The following GRID2 variants were observed in gnomAD, a reference collection of about 807,000 sequenced individuals.
The protein encoded by GRID2 is glutamate ionotropic receptor delta type subunit 2.
In GRID2, 33 loss-of-function variants were observed where a neutral mutation model predicts 114.8. The observed-to-expected ratio is 0.29, with a 90% CI of 0.22 to 0.38. GRID2 has a LOEUF of 0.38. Among genes scored for constraint, GRID2 ranks in the 10% least tolerant of loss-of-function variants. The probability of loss-of-function intolerance (pLI) is 1.00; values close to 1 mark genes in which losing one functional copy is unlikely to be tolerated. For missense variants in GRID2, 1,184 were observed against 1,257.7 expected, an observed-to-expected ratio of 0.94 and a Z score of 0.89; for synonymous variants, 505 against 449.9, an observed-to-expected ratio of 1.12 and a Z score of -1.55.
chr4:93,651,537 A>C (rs1722581289), intron 14 of GRID2, among the ~76,000 whole-genome samples: 1 of 152,126 alleles, frequency 6.6e-6, no homozygotes, highest in Non-Finnish European at 1.5e-5. Context: ...CAGAGCATTT[A>C]ATGGGGATCT....
chr4:92,984,027 T>C (rs1313282960), intron 2 of GRID2, among the ~76,000 whole-genome samples: 1 of 152,218 alleles, frequency 6.6e-6, no homozygotes, highest in African/African-American at 2.4e-5. Flanking sequence ...TCAGTGTTTT[T>C]GATTGATAAA....
chr4:93,222,631 A>G (rs760706929), intron 6 of GRID2, among the ~76,000 whole-genome samples: 28 of 151,568 alleles, frequency 1.8e-4, no homozygotes, highest in Non-Finnish European at 3.8e-4. Flanking sequence ...CAACCCCACA[A>G]CAGGCCCCGG....
chr4:93,697,524 ATT>A (rs985974974), intron 14 of GRID2, among the ~76,000 whole-genome samples: 1 of 152,060 alleles, frequency 6.6e-6, no homozygotes, highest in African/African-American at 2.4e-5. Context: ...GCCAAGGTGG[ATT>A]TGTTCCATGC....
chr4:93,147,082 TTGATGAATTTTTTA>T (rs1170120209), intron 4 of GRID2, among the ~76,000 whole-genome samples: 48 of 152,290 alleles, frequency 3.2e-4, no homozygotes, highest in African/African-American at 1.1e-3. Flanking sequence ...GTAATGAAAT[TTGATGAATTTTTTA>T]ACGTACTTAT....
At position 92,713,474 on chromosome 4, in the gene GRID2, T is replaced by TAC. The variant is rs1333666808; in HGVS notation, c.244+123190_244+123191dup. On this transcript the variant is annotated intron_variant, in intron 2 of 15. Transcript: ENST00000282020. ...GTTTACATATATTTACATATACATA[T>TAC]ACATATATATATATATATATATATA... 1.2e-3 allele frequency among the ~76,000 whole-genome samples: 77 copies of TAC among 64,616 alleles called. No individual in the cohort carries two copies. The East Asian group carries it at 0.026, about 22-fold the overall frequency. The allele number at this position is 64,616 out of a possible 152,430, so 42.4% of individuals were successfully genotyped here.
At chr4:92,328,720 A>G (rs942637408) in intron 1 of GRID2, among the ~76,000 whole-genome samples, 3 of 152,084 alleles carry the variant, frequency 2.0e-5, no homozygotes, top group Admixed American at 2.0e-4. Flanking sequence ...TAAAAACAAC[A>G]TTATTTTGTT....
downstream of GRID2, among the ~76,000 whole-genome samples, chr4:93,775,536 C>A (rs577085213): frequency 1.3e-5 from 2 of 152,316 alleles, no homozygotes; most frequent in South Asian, 4.1e-4. Flanking sequence ...AGGGCCATAG[C>A]TAGCAGCAAA....
At chr4:92,347,535 G>A (rs189698878) in intron 1 of GRID2, among the ~76,000 whole-genome samples, 24 of 152,238 alleles carry the variant, frequency 1.6e-4, no homozygotes, top group African/African-American at 5.3e-4. Context: ...CTTAGAATAG[G>A]TTGACAGAAC....
chr4:93,451,535 G>C (rs1420230631), intron 10 of GRID2, among the ~76,000 whole-genome samples: 1 of 152,034 alleles, frequency 6.6e-6, no homozygotes, highest in Non-Finnish European at 1.5e-5. Flanking sequence ...AAGGTGTGTA[G>C]ACCATGTTTT....
chr4:92,374,194 G>A (rs1729247903), intron 1 of GRID2, among the ~76,000 whole-genome samples: 1 of 152,096 alleles, frequency 6.6e-6, no homozygotes, highest in Admixed American at 6.6e-5. Flanking sequence ...CAGACTTTAA[G>A]TCTGATAAGA....
chr4:92,581,631 A>G (rs920689669), intron 1 of GRID2, among the ~76,000 whole-genome samples: 1 of 152,114 alleles, frequency 6.6e-6, no homozygotes, highest in African/African-American at 2.4e-5. Flanking sequence ...GACTTATTTC[A>G]CACTATGAGC....
intron 2 of GRID2, among the ~76,000 whole-genome samples, chr4:92,817,422 A>T (rs1052016970): frequency 2.0e-5 from 3 of 152,224 alleles, no homozygotes; most frequent in Non-Finnish European, 4.4e-5. Context: ...ATCCTAGATG[A>T]CATTACTTTA....
chr4:93,364,566 G>C (rs1179451192), intron 8 of GRID2, among the ~76,000 whole-genome samples: 2 of 151,970 alleles, frequency 1.3e-5, no homozygotes, highest in East Asian at 3.9e-4. Flanking sequence ...TCAACTCCTG[G>C]GCTCAAGCAA....
intron 6 of GRID2, among the ~76,000 whole-genome samples, chr4:93,220,056 A>G (rs779994646): frequency 6.6e-6 from 1 of 152,142 alleles, no homozygotes; most frequent in Non-Finnish European, 1.5e-5. Context: ...CCAAGGTACA[A>G]GAGATTGGTG....
At chr4:92,734,262 T>C (rs1420984809) in intron 2 of GRID2, among the ~76,000 whole-genome samples, 1 of 151,994 alleles carries the variant, frequency 6.6e-6, no homozygotes, top group Admixed American at 6.6e-5. Flanking sequence ...CATCACTCTA[T>C]TTTTTTCTTT....
intron 13 of GRID2, among the ~76,000 whole-genome samples, chr4:93,545,103 C>A (rs924447215): frequency 6.6e-6 from 1 of 152,156 alleles, no homozygotes; most frequent in African/African-American, 2.4e-5. Context: ...CTTGTCAGAC[C>A]CTGAGCCAGG....
intron 2 of GRID2, among the ~76,000 whole-genome samples, chr4:92,893,039 C>G (rs1354449606): frequency 2.0e-5 from 3 of 152,120 alleles, no homozygotes; most frequent in Non-Finnish European, 4.4e-5. Context: ...AACCAAAATA[C>G]TTTGAAAATC....
At chr4:93,200,570 CAA>C (rs1560978061) in intron 4 of GRID2, among the ~76,000 whole-genome samples, 1 of 143,206 alleles carries the variant, frequency 7.0e-6, no homozygotes, top group Non-Finnish European at 1.5e-5. Flanking sequence ...CGTCTCAAAA[CAA>C]ACAAACAAAC....
intron 1 of GRID2, among the ~76,000 whole-genome samples, chr4:92,543,194 C>T (rs1002930231): frequency 3.3e-5 from 5 of 152,066 alleles, no homozygotes; most frequent in African/African-American, 1.2e-4. Flanking sequence ...ATGCCAAACA[C>T]ACTACTATGT....
Sources: allele counts gnomAD v4.1 joint callset (sites outside exome capture counted in the v4.1 genomes callset), GRCh38; gene constraint gnomAD v4.1.1; transcripts MANE v1.5; gene names NCBI Gene and HGNC (gene_info 2026-07-23, HGNC 2026-07-21).